DIAPH2: variants seen among roughly 807,000 people sequenced by gnomAD.
The protein encoded by DIAPH2 is protein diaphanous homolog 2.
DIAPH2 carries 35 observed loss-of-function variants against 92.7 expected under a neutral mutation model. The observed-to-expected ratio is 0.38, with a 90% CI of 0.29 to 0.50. DIAPH2 has a LOEUF of 0.50. DIAPH2 is among the 20% of genes least tolerant of loss of function. DIAPH2 has a pLI of 0.94. For synonymous variants in DIAPH2, 301 were observed against 280.4 expected (o/e 1.07, Z -0.73); for missense variants, 701 against 819.5 (o/e 0.86, Z 1.77).
At chrX:96,800,887 C>A in intron 4 of DIAPH2, among the ~76,000 whole-genome samples, 1 of 111,571 alleles carries the variant, frequency 9.0e-6, no homozygotes, top group East Asian at 2.8e-4. Flanking sequence ...AGAGAGAGAC[C>A]ATACAGAGCT....
At chrX:96,967,560 C>T (rs1003208798) in intron 17 of DIAPH2, among the ~76,000 whole-genome samples, 41 of 109,400 alleles carry the variant, frequency 3.7e-4, no homozygotes, top group African/African-American at 1.3e-3. Context: ...TCTGGGATTA[C>T]AGGCGCCCAC....
At chrX:97,002,291 T>C (rs1006553550) in intron 17 of DIAPH2, among the ~76,000 whole-genome samples, 10 of 111,056 alleles carry the variant, frequency 9.0e-5, no homozygotes, top group Non-Finnish European at 1.9e-4. Flanking sequence ...GTAATGAATA[T>C]ATATATATAT....
At position 97,511,431 on chromosome X, in the gene DIAPH2, A is replaced by C. The variant is rs1455620055; in HGVS notation, c.3241+81686A>C. Among the ~76,000 whole-genome samples, 353 of 104,235 alleles carry C rather than the reference A, an allele frequency of 3.4e-3. 1 individual carries two copies. The highest frequency in any genetic ancestry group is 0.012 in the African/African-American group (336 of 28,308). The allele number at this position is 104,235 out of a possible 115,157, so 90.5% of individuals were successfully genotyped here. A position where few individuals can be genotyped will look rare whatever the true frequency, so the allele number is the denominator to read the frequency against. On this transcript the variant is annotated intron_variant, in intron 26 of 26. Coordinates refer to ENST00000324765, the MANE Select transcript of DIAPH2 (RefSeq NM_006729.5). ...GTGCTGAGACAATGGGGTTTTCTAG[A>C]TATACAATCATGTCATCTGCAAACA...
At chrX:97,449,264 G>A (rs757955508) in intron 26 of DIAPH2, among the ~76,000 whole-genome samples, 1 of 111,736 alleles carries the variant, frequency 8.9e-6, no homozygotes, top group African/African-American at 3.2e-5. Flanking sequence ...ATTACTACAA[G>A]CTTTAAGTCT....
chrX:97,409,944 G>A (rs2069851175), intron 25 of DIAPH2, among the ~76,000 whole-genome samples: 1 of 112,670 alleles, frequency 8.9e-6, no homozygotes, highest in South Asian at 3.6e-4. Context: ...CTGGGGGCAG[G>A]GCATAGCTGA....
At position 96,735,791 on chromosome X, in the gene DIAPH2, G is replaced by A; in HGVS notation, c.165+1G>A. ...AATAAAAACTTTGGCAGATGATGTGGTAAGGTGGTCTTAGCATGTTATTAC... is the reference window on the plus strand; with the variant it reads ...AATAAAAACTTTGGCAGATGATGTGATAAGGTGGTCTTAGCATGTTATTAC... On this transcript the variant is annotated splice_donor_variant, in intron 2 of 26. Transcript: ENST00000324765. LOFTEE classifies it high-confidence loss of function. 4 of 1,064,606 alleles carry A rather than the reference G, an allele frequency of 3.8e-6. No individual in the cohort carries two copies. Among genetic ancestry groups the A allele is most frequent in the Non-Finnish European group, 5.1e-6 (4 of 785,227 alleles). The allele number at this position is 1,064,606 out of a possible 1,213,427, so 87.7% of individuals were successfully genotyped here.
intron 1 of DIAPH2, among the ~76,000 whole-genome samples, chrX:96,698,050 C>T (rs1449283669): frequency 1.8e-5 from 2 of 111,578 alleles, no homozygotes; most frequent in Non-Finnish European, 3.8e-5. Flanking sequence ...AAAAAAATAC[C>T]TGTCTAGCAG....
intron 26 of DIAPH2, among the ~76,000 whole-genome samples, chrX:97,597,931 T>C (rs2071565170): frequency 9.0e-6 from 1 of 111,443 alleles, no homozygotes. Flanking sequence ...AAGCACTCAG[T>C]ATGCTTTAAG....
chrX:97,366,091 C>T (rs1411517098), intron 24 of DIAPH2, among the ~76,000 whole-genome samples: 1 of 111,980 alleles, frequency 8.9e-6, no homozygotes, highest in Admixed American at 9.5e-5. Context: ...GTAAATACGT[C>T]TCACTTATCT....
chrX:97,520,745 C>T (rs992025775), intron 26 of DIAPH2, among the ~76,000 whole-genome samples: 3 of 111,995 alleles, frequency 2.7e-5, no homozygotes, highest in Non-Finnish European at 3.8e-5. Flanking sequence ...TCTGAGCTTA[C>T]TGGAAGCCAA....
chrX:97,214,836 T>TAAAA (rs368311868), intron 22 of DIAPH2, among the ~76,000 whole-genome samples: 2 of 62,779 alleles, frequency 3.2e-5, no homozygotes, highest in Admixed American at 2.2e-4. Context: ...CGTCTCAAAT[T>TAAAA]AAAAAAAAAA....
chrX:97,406,057 C>A (rs1393033910), intron 25 of DIAPH2, among the ~76,000 whole-genome samples: 1 of 111,499 alleles, frequency 9.0e-6, no homozygotes, highest in African/African-American at 3.3e-5. Flanking sequence ...GGATATAGTT[C>A]TCCTGTTTGC....
At chrX:96,846,204 A>G (rs979915373) in intron 4 of DIAPH2, among the ~76,000 whole-genome samples, 1 of 104,826 alleles carries the variant, frequency 9.5e-6, no homozygotes, top group East Asian at 3.0e-4. Context: ...CTGGAGTGCA[A>G]TGGTGCAATC....
chrX:96,722,524 A>G (rs1037253515), intron 1 of DIAPH2, among the ~76,000 whole-genome samples: 6 of 111,052 alleles, frequency 5.4e-5, no homozygotes, highest in Admixed American at 4.8e-4. Context: ...ATGGCTAAAA[A>G]TTGGTTTGTT....
At chrX:96,810,695 A>G (rs1394239925) in intron 4 of DIAPH2, among the ~76,000 whole-genome samples, 1 of 111,582 alleles carries the variant, frequency 9.0e-6, no homozygotes, top group Non-Finnish European at 1.9e-5. Flanking sequence ...TAATTTTTGT[A>G]TAAGGTGTAA....
chrX:97,252,847 A>G (rs1440063019), intron 23 of DIAPH2, among the ~76,000 whole-genome samples: 1 of 111,341 alleles, frequency 9.0e-6, no homozygotes, highest in Non-Finnish European at 1.9e-5. Context: ...CCTTACCCTC[A>G]CTGTCTGCTC....
intron 23 of DIAPH2, among the ~76,000 whole-genome samples, chrX:97,318,388 C>A (rs1191276287): frequency 1.8e-5 from 2 of 108,910 alleles, no homozygotes; most frequent in East Asian, 5.8e-4. Flanking sequence ...CCACCAGCCT[C>A]GGCCTCTCAA....
intron 26 of DIAPH2, among the ~76,000 whole-genome samples, chrX:97,433,686 A>G (rs1303227098): frequency 1.8e-5 from 2 of 111,905 alleles, no homozygotes; most frequent in Non-Finnish European, 3.8e-5. Flanking sequence ...ATGAGCCCCT[A>G]AATATTCATT....
intron 1 of DIAPH2, among the ~76,000 whole-genome samples, chrX:96,686,459 AT>A (rs2063771814): frequency 9.1e-6 from 1 of 110,053 alleles, no homozygotes; most frequent in Non-Finnish European, 1.9e-5. Flanking sequence ...CCCTTTAGCC[AT>A]TTGTCCTGAT....
Sources: allele counts gnomAD v4.1 joint callset (sites outside exome capture counted in the v4.1 genomes callset), GRCh38; gene constraint gnomAD v4.1.1; transcripts MANE v1.5; gene names NCBI Gene and HGNC (gene_info 2026-07-23, HGNC 2026-07-21).